FKBP5: variants seen among roughly 807,000 people sequenced by gnomAD.
FKBP5 encodes peptidyl-prolyl cis-trans isomerase FKBP5.
FKBP5 carries 23 observed loss-of-function variants against 50.5 expected under a neutral mutation model. The ratio of observed to expected loss-of-function variants is 0.46; its 90% CI spans 0.33 to 0.65. FKBP5 has a LOEUF of 0.65. Ranked by LOEUF, FKBP5 falls within the 30% of genes least tolerant of loss-of-function variation. FKBP5 has a pLI of 0.02. For synonymous variants in FKBP5, 176 were observed against 190.6 expected, an observed-to-expected ratio of 0.92 and a Z score of 0.63; for missense variants, 411 against 553.1, an observed-to-expected ratio of 0.74 and a Z score of 2.58.
At chr6:35,682,877 C>G (rs74360422) in intron 1 of FKBP5, among the ~76,000 whole-genome samples, 157 of 142,170 alleles carry the variant, frequency 1.1e-3, no homozygotes, top group African/African-American at 3.8e-3. Context: ...ACTTCAGCCT[C>G]GGTGACAGAG....
intron 2 of FKBP5, among the ~76,000 whole-genome samples, chr6:35,708,791 T>C (rs1361861701): frequency 6.6e-6 from 1 of 152,076 alleles, no homozygotes; most frequent in Non-Finnish European, 1.5e-5. Context: ...GCTGGATAGA[T>C]GCAGATGTAA....
chr6:35,609,606 AGATGTTT>A (rs1763430925), intron 5 of FKBP5, among the ~76,000 whole-genome samples: 1 of 152,090 alleles, frequency 6.6e-6, no homozygotes, highest in African/African-American at 2.4e-5. Context: ...ATTTTCTATT[AGATGTTT>A]GATTGGATGC....
At chr6:35,595,704 T>C (rs778775482) in intron 6 of FKBP5, among the ~76,000 whole-genome samples, 3 of 151,902 alleles carry the variant, frequency 2.0e-5, no homozygotes, top group Non-Finnish European at 4.4e-5. Flanking sequence ...TGAGCGTGAC[T>C]GTGCCACTGC....
intron 8 of FKBP5, chr6:35,586,262 T>TCTTGGAG (rs1178209250): frequency 1.0e-6 from 1 of 985,056 alleles, no homozygotes; most frequent in Non-Finnish European, 1.2e-6. Flanking sequence ...TGAGAAAATA[T>TCTTGGAG]CACACTCCTA....
upstream of FKBP5, among the ~76,000 whole-genome samples, chr6:35,689,211 T>C (rs1765933896): frequency 1.3e-5 from 2 of 152,198 alleles, no homozygotes. Flanking sequence ...TCACATCTCT[T>C]ACCTCCCGAG....
At chr6:35,721,549 G>T (rs1012955132) in intron 1 of FKBP5, among the ~76,000 whole-genome samples, 1 of 151,824 alleles carries the variant, frequency 6.6e-6, no homozygotes, top group African/African-American at 2.4e-5. Flanking sequence ...TCCGCCTCCC[G>T]GGTTCAAATG....
intron 1 of FKBP5, among the ~76,000 whole-genome samples, chr6:35,682,669 C>T (rs1765700103): frequency 6.6e-6 from 1 of 152,090 alleles, no homozygotes; most frequent in Admixed American, 6.5e-5. Context: ...AAAAACAACC[C>T]TCTTCCAGTC....
chr6:35,584,128 G>C (rs1762530125), intron 8 of FKBP5: 7 of 985,300 alleles, frequency 7.1e-6, no homozygotes, highest in Non-Finnish European at 8.4e-6. Context: ...TGTCAGCTAT[G>C]AGGGCAAAAA....
intron 8 of FKBP5, chr6:35,585,578 A>G (rs1762573018): frequency 1.0e-6 from 1 of 985,208 alleles, no homozygotes; most frequent in South Asian, 4.7e-5. Flanking sequence ...AGCTTATTCT[A>G]TCATACCCCC....
rs576651143 is a variant in FKBP5, at chr6:35,600,099, T to C, written c.509-2695A>G. On this transcript the variant is annotated intron_variant, in intron 5 of 10. Coordinates refer to ENST00000357266, the MANE Select transcript of FKBP5 (RefSeq NM_004117.4). ...TAGGCAACTGTAACACAATGGTAAGTACTTGTGTATCTAAACATTGAGAAG... is the reference window on the plus strand; with the variant it reads ...TAGGCAACTGTAACACAATGGTAAGCACTTGTGTATCTAAACATTGAGAAG... Among the ~76,000 whole-genome samples, 9 of 152,336 alleles carry C rather than the reference T, an allele frequency of 5.9e-5. No homozygotes were observed. In the South Asian group the frequency reaches 1.9e-3, roughly 32 times the overall value.
upstream of FKBP5, among the ~76,000 whole-genome samples, chr6:35,693,409 C>T (rs145541948): frequency 0.023 from 3,474 of 152,020 alleles, 54 homozygotes; most frequent in Middle Eastern, 0.065. Context: ...CTGATCCGCC[C>T]GCCTCGGCCT....
At chr6:35,593,958 T>G (rs1762897884) in intron 6 of FKBP5, among the ~76,000 whole-genome samples, 1 of 152,042 alleles carries the variant, frequency 6.6e-6, no homozygotes, top group African/African-American at 2.4e-5. Flanking sequence ...CAAAAAAGAT[T>G]TATTAGTCTC....
At chr6:35,612,394 A>C (rs1014257476) in intron 5 of FKBP5, among the ~76,000 whole-genome samples, 1 of 152,168 alleles carries the variant, frequency 6.6e-6, no homozygotes, top group Non-Finnish European at 1.5e-5. Context: ...TGGGCAACAG[A>C]AAAAGAAAAA....
intron 5 of FKBP5, among the ~76,000 whole-genome samples, chr6:35,617,984 A>G (rs1333022665): frequency 2.0e-5 from 3 of 152,238 alleles, no homozygotes; most frequent in Non-Finnish European, 4.4e-5. Flanking sequence ...TAGAATGAAC[A>G]TTATTATCCA....
chr6:35,671,889 G>T (rs1328458936), intron 1 of FKBP5, among the ~76,000 whole-genome samples: 11 of 149,788 alleles, frequency 7.3e-5, no homozygotes, highest in Admixed American at 1.3e-4. Context: ...TTTTTTTTGA[G>T]ACGGAGTCTC....
chr6:35,656,067 T>C (rs994407626), intron 1 of FKBP5, among the ~76,000 whole-genome samples: 1 of 152,254 alleles, frequency 6.6e-6, no homozygotes, highest in Non-Finnish European at 1.5e-5. Context: ...AAAAGTTTTA[T>C]GTAATACTGT....
At chr6:35,701,906 G>A (rs1157641523) in intron 2 of FKBP5, among the ~76,000 whole-genome samples, 4 of 151,246 alleles carry the variant, frequency 2.6e-5, no homozygotes, top group Non-Finnish European at 4.4e-5. Context: ...GGAGTGCAAT[G>A]GCATGATTTC....
chr6:35,649,402 C>A (rs1421583130), intron 1 of FKBP5, among the ~76,000 whole-genome samples: 3 of 149,988 alleles, frequency 2.0e-5, no homozygotes, highest in African/African-American at 7.4e-5. Context: ...TAAAATGGAG[C>A]ATTTCTTATG....
upstream of FKBP5, among the ~76,000 whole-genome samples, chr6:35,693,601 C>G (rs946004359): frequency 6.6e-6 from 1 of 151,854 alleles, no homozygotes; most frequent in Admixed American, 6.6e-5. Flanking sequence ...CTCACTGCAA[C>G]CTCCGCTTCC....
Sources: allele counts gnomAD v4.1 joint callset (sites outside exome capture counted in the v4.1 genomes callset), GRCh38; gene constraint gnomAD v4.1.1; transcripts MANE v1.5; gene names NCBI Gene and HGNC (gene_info 2026-07-23, HGNC 2026-07-21).